The following MPP7 variants were observed in gnomAD, a reference collection of about 807,000 sequenced individuals.
The protein encoded by MPP7 is MAGUK p55 subfamily member 7.
Under a neutral mutation model 76.5 loss-of-function variants are expected in MPP7, and 60 were observed. The ratio of observed to expected loss-of-function variants is 0.78; its 90% CI spans 0.64 to 0.97. The LOEUF (loss-of-function observed/expected upper bound fraction) is 0.97. Among genes scored for constraint, MPP7 ranks in the 50% least tolerant of loss-of-function variants. The probability of loss-of-function intolerance (pLI) is 0.00; values close to 1 mark genes in which losing one functional copy is unlikely to be tolerated. For synonymous variants in MPP7, 237 were observed against 244.5 expected, an observed-to-expected ratio of 0.97 and a Z score of 0.29; for missense variants, 641 against 694.0, an observed-to-expected ratio of 0.92 and a Z score of 0.86.
intron 12 of MPP7, among the ~76,000 whole-genome samples, chr10:28,087,816 G>A (rs1022244000): frequency 3.3e-5 from 5 of 152,188 alleles, no homozygotes; most frequent in African/African-American, 1.2e-4. Flanking sequence ...CAGTGAGGTG[G>A]GAGAGGAGCA....
At position 28,051,417 on chromosome 10, in the gene MPP7, G is replaced by C. The variant is rs1421110349; in HGVS notation, c.*2648C>G. ...CTTCCATATTGGTCAGTAAAATAAG[G>C]GTAAAAAATTAAATTTTACTTTCAC... is the stretch of plus-strand genomic sequence containing the variant. On this transcript the variant is annotated 3_prime_UTR_variant, in exon 17 of 17. Coordinates refer to ENST00000683449, the MANE Select transcript of MPP7 (RefSeq NM_001318170.2). The C allele has an allele frequency of 6.6e-6, 1 of 152,064 alleles. No individual in the cohort carries two copies. The highest frequency in any genetic ancestry group is 2.4e-5 in the African/African-American group (1 of 41,402). The allele number at this position is 152,064 out of a possible 1,614,324, so 9.4% of individuals were successfully genotyped here. A position where few individuals can be genotyped will look rare whatever the true frequency, so the allele number is the denominator to read the frequency against.
chr10:28,079,286 C>T (rs1852645406), intron 12 of MPP7, among the ~76,000 whole-genome samples: 1 of 151,964 alleles, frequency 6.6e-6, no homozygotes, highest in Admixed American at 6.5e-5. Context: ...ACAAGTTTTT[C>T]ATTCTGTAAA....
chr10:28,145,065 C>G (rs1463063069), intron 5 of MPP7, among the ~76,000 whole-genome samples: 1 of 152,128 alleles, frequency 6.6e-6, no homozygotes, highest in African/African-American at 2.4e-5. Context: ...AGGCACACAC[C>G]ACCACACCTG....
chr10:28,198,432 G>A (rs554574703), intron 3 of MPP7, among the ~76,000 whole-genome samples: 17 of 152,000 alleles, frequency 1.1e-4, no homozygotes, highest in East Asian at 5.8e-4. Flanking sequence ...AAAATTAGCC[G>A]GGACTGGTGA....
At chr10:28,190,219 A>C (rs1385884104) in intron 3 of MPP7, among the ~76,000 whole-genome samples, 1 of 152,210 alleles carries the variant, frequency 6.6e-6, no homozygotes, top group Non-Finnish European at 1.5e-5. Context: ...AGTCACTATT[A>C]TACTTGGAAC....
At chr10:28,078,258 G>A (rs1301329711) in intron 12 of MPP7, among the ~76,000 whole-genome samples, 1 of 152,166 alleles carries the variant, frequency 6.6e-6, no homozygotes, top group Non-Finnish European at 1.5e-5. Flanking sequence ...GACTAATTAT[G>A]CTCCAGGAAT....
At chr10:28,114,680 C>A (rs1446670445) in intron 11 of MPP7, among the ~76,000 whole-genome samples, 1 of 152,188 alleles carries the variant, frequency 6.6e-6, no homozygotes, top group Non-Finnish European at 1.5e-5. Flanking sequence ...TCCCCACCCC[C>A]TACCGCAATC....
At chr10:28,267,559 G>C (rs779291442) in intron 1 of MPP7, among the ~76,000 whole-genome samples, 2 of 152,144 alleles carry the variant, frequency 1.3e-5, no homozygotes, top group Admixed American at 6.5e-5. Flanking sequence ...ATGGTCACTA[G>C]AGCATTACAG....
At chr10:28,066,409 T>C (rs1182082815) in intron 13 of MPP7, among the ~76,000 whole-genome samples, 1 of 152,176 alleles carries the variant, frequency 6.6e-6, no homozygotes, top group Non-Finnish European at 1.5e-5. Flanking sequence ...ATTAAAGTAA[T>C]TACAAATTCA....
At chr10:28,120,153 G>T in intron 10 of MPP7, 41 bp downstream of exon 10, 2 of 1,580,556 alleles carry the variant, frequency 1.3e-6, no homozygotes, top group Non-Finnish European at 1.7e-6. Context: ...AGAACAAAAG[G>T]TCAGCTGGAG....
At chr10:28,263,145 C>A (rs1840044299) in intron 1 of MPP7, among the ~76,000 whole-genome samples, 1 of 152,154 alleles carries the variant, frequency 6.6e-6, no homozygotes, top group Non-Finnish European at 1.5e-5. Context: ...TACCTGACCA[C>A]ATATAAATCA....
At chr10:28,205,163 G>A (rs1331410063) in intron 2 of MPP7, among the ~76,000 whole-genome samples, 1 of 152,018 alleles carries the variant, frequency 6.6e-6, no homozygotes, top group Non-Finnish European at 1.5e-5. Flanking sequence ...ACAGCACAGT[G>A]CCAACCAGAA....
At chr10:28,059,841 C>A in intron 13 of MPP7, 98 bp from the exon 14 acceptor site, 1 of 806,104 alleles carries the variant, frequency 1.2e-6, no homozygotes, top group Non-Finnish European at 2.0e-6. Context: ...GTTTTTTCAA[C>A]AGGATTTAAA....
intron 3 of MPP7, among the ~76,000 whole-genome samples, chr10:28,172,430 A>T (rs1426280474): frequency 1.3e-5 from 2 of 152,208 alleles, no homozygotes; most frequent in Non-Finnish European, 2.9e-5. Context: ...TTCATTCTAG[A>T]CACTTGGTCT....
chr10:28,078,193 A>T (rs1253023483), intron 12 of MPP7, among the ~76,000 whole-genome samples: 1 of 152,200 alleles, frequency 6.6e-6, no homozygotes, highest in Non-Finnish European at 1.5e-5. Flanking sequence ...ATGGCTGTGA[A>T]TTGGAACTTC....
chr10:28,110,817 A>G (rs1046770757), intron 11 of MPP7, among the ~76,000 whole-genome samples: 2 of 152,206 alleles, frequency 1.3e-5, no homozygotes, highest in Non-Finnish European at 2.9e-5. Flanking sequence ...GTCTGTCAAT[A>G]CATTTGAATA....
intron 3 of MPP7, among the ~76,000 whole-genome samples, chr10:28,153,440 C>A (rs561638840): frequency 6.6e-6 from 1 of 151,910 alleles, no homozygotes; most frequent in African/African-American, 2.4e-5. Flanking sequence ...AGTCAGGACA[C>A]GCTAAAATAT....
intron 3 of MPP7, among the ~76,000 whole-genome samples, chr10:28,181,725 G>T (rs1300905108): frequency 1.3e-5 from 2 of 152,174 alleles, no homozygotes; most frequent in African/African-American, 4.8e-5. Context: ...CACAGATTCT[G>T]CCTGAAAAGA....
At chr10:28,293,761 A>G (rs1428934326) in intron 1 of MPP7, among the ~76,000 whole-genome samples, 1 of 152,228 alleles carries the variant, frequency 6.6e-6, no homozygotes, top group African/African-American at 2.4e-5. Flanking sequence ...ATCCCATCCT[A>G]GCGACCGAGT....
Sources: gnomAD v4.1 joint callset for allele counts (sites outside exome capture counted in the v4.1 genomes callset) on GRCh38, gnomAD v4.1.1 for gene constraint, MANE v1.5 for transcripts, NCBI Gene and HGNC (gene_info 2026-07-23, HGNC 2026-07-21) for gene names.